The following MAML1 variants were observed in gnomAD, a reference collection of about 807,000 sequenced individuals.
MAML1 encodes the protein mastermind-like protein 1.
Under a neutral mutation model 77.1 loss-of-function variants are expected in MAML1, and 14 were observed. The observed-to-expected ratio is 0.18, with a 90% CI of 0.12 to 0.28. MAML1 has a LOEUF of 0.28. Among genes scored for constraint, MAML1 ranks in the 10% least tolerant of loss-of-function variants. MAML1 has a pLI of 1.00. For missense variants in MAML1, 1,217 were observed against 1,327.8 expected, an observed-to-expected ratio of 0.92 and a Z score of 1.30; for synonymous variants, 516 against 551.9, an observed-to-expected ratio of 0.93 and a Z score of 0.91.
chr5:179,765,960 T>C lies in MAML1; in HGVS notation c.950T>C (p.Val317Ala). The change falls in exon 2 of 5, where the codon GTG (valine) becomes GCG (alanine). Residue 317 changes from valine (V) to alanine (A), a missense_variant. By Grantham distance (64) the Val-to-Ala change is moderately conservative. Coordinates refer to ENST00000292599, the MANE Select transcript of MAML1 (RefSeq NM_014757.5). ...FEQEQLGSPQ[V>A]RAGSAGQTFL... Reference sequence around the variant, plus strand: ...CAAGAACAGTTAGGCTCTCCACAAGTGAGGGCCGGGTCTGCAGGGCAGACC... The same window carrying C: ...CAAGAACAGTTAGGCTCTCCACAAGCGAGGGCCGGGTCTGCAGGGCAGACC... 1 of 1,613,998 alleles carries C rather than the reference T, an allele frequency of 6.2e-7. No homozygotes were observed.
At chr5:179,772,638 A>G (rs1756027818) in intron 4 of MAML1, among the ~76,000 whole-genome samples, 1 of 152,216 alleles carries the variant, frequency 6.6e-6, no homozygotes, top group South Asian at 2.1e-4. Context: ...CACCTGCCAC[A>G]GAGTGGGTAC....
In MAML1 at chr5:179,775,538, G is replaced by A. The variant is rs1163264059; in HGVS notation, c.*661G>A. The A allele has an allele frequency of 2.0e-6, 2 of 985,372 alleles. No individual in the cohort carries two copies. Among genetic ancestry groups the A allele is most frequent in the Non-Finnish European group, 2.4e-6 (2 of 829,928 alleles). The allele number at this position is 985,372 out of a possible 1,614,324, so 61.0% of individuals were successfully genotyped here. ...CTGCGTATGCCAAAAAGGGACAGGA[G>A]GCATGGGATAGCAGGTCTGGTGACA... On this transcript the variant is annotated 3_prime_UTR_variant, in exon 5 of 5. Coordinates refer to ENST00000292599, the MANE Select transcript of MAML1 (RefSeq NM_014757.5).
In MAML1 at chr5:179,748,954, T is replaced by TG. The variant is rs1263008085; in HGVS notation, c.315+15527_315+15528insG. Among the ~76,000 whole-genome samples, 101 of 113,854 alleles carry TG rather than the reference T, an allele frequency of 8.9e-4. 1 individual carries two copies. The highest frequency in any genetic ancestry group is 2.6e-3 in the African/African-American group (97 of 36,942). The allele number at this position is 113,854 out of a possible 152,430, so 74.7% of individuals were successfully genotyped here. On this transcript the variant is annotated intron_variant, in intron 1 of 4. Transcript: ENST00000292599. Reference sequence around the variant, plus strand: ...AAGTGAGAAAAAGGTGTTTTTGTTTTTTTTTTTTTTGTTTTTTGTTTGTTT... The same window carrying TG: ...AAGTGAGAAAAAGGTGTTTTTGTTTTGTTTTTTTTTTGTTTTTTGTTTGTTT...
At position 179,773,956 on chromosome 5, in the gene MAML1, A is replaced by G. The variant is rs1562579199; in HGVS notation, c.2130A>G (p.Arg710=). 1 of 1,614,206 alleles carries G rather than the reference A, an allele frequency of 6.2e-7. No homozygotes were observed. The change falls in exon 5 of 5, where the codon CGA becomes CGG. Residue 710 remains arginine (R), a synonymous_variant. Coordinates refer to ENST00000292599, the MANE Select transcript of MAML1 (RefSeq NM_014757.5). ...GTCCATCCAACTCCAGCTGTCCTCG[A>G]GTGTTCCCTCAGGCTGGGAATCTGA... is the stretch of plus-strand genomic sequence containing the variant. ...TLGPSNSSCP[R]VFPQAGNLMP... is the part of the protein sequence containing the mutation.
chr5:179,738,453 A>C (rs1779216606), intron 1 of MAML1, among the ~76,000 whole-genome samples: 1 of 152,212 alleles, frequency 6.6e-6, no homozygotes, highest in African/African-American at 2.4e-5. Context: ...TTTTAAAAAG[A>C]TGATCAGTGT....
Position 179,774,421 on chromosome 5 carries a change from T to C in MAML1, c.2595T>C (p.Ser865=), listed in dbSNP as rs144842196. 8.1e-6 allele frequency: 13 copies of C among 1,613,150 alleles called. No homozygotes were observed. In the East Asian group the frequency reaches 1.1e-4, roughly 14 times the overall value. The change falls in exon 5 of 5, where the codon AGT becomes AGC. Residue 865 remains serine, a synonymous_variant. Transcript: ENST00000292599. ...SNVSPFTAAS[S]FHMQQQAHLK... is the part of the protein sequence containing the mutation. ...TGAGTCCCTTCACTGCAGCCTCCAG[T>C]TTCCACATGCAGCAGCAGGCCCACC...
In MAML1 at chr5:179,774,361, G is replaced by A. The variant is rs780202266; in HGVS notation, c.2535G>A (p.Pro845=). The change falls in exon 5 of 5, where the codon CCG becomes CCA. Residue 845 remains proline, a synonymous_variant. Transcript: ENST00000292599. ...QNSSWQHQGM[P]NLSGQTPGNS... is the part of the protein sequence containing the mutation. The stretch of plus-strand genomic sequence containing the variant: ...CCTCCTGGCAGCATCAGGGAATGCC[G>A]AACCTCAGTGGCCAGACCCCAGGGA... The A allele has an allele frequency of 1.1e-5, 17 of 1,613,250 alleles. No individual in the cohort carries two copies. The highest frequency in any genetic ancestry group is 1.4e-5 in the Non-Finnish European group (16 of 1,180,024).
Position 179,766,764 on chromosome 5 carries a change from T to A in MAML1, c.1731+23T>A, listed in dbSNP as rs377518731. ...CAGGTAAGTATGAGCCTTTGCTTTCTGTTCCTCTGCTGCAGACACTTCAGT... is the reference window on the plus strand; with the variant it reads ...CAGGTAAGTATGAGCCTTTGCTTTCAGTTCCTCTGCTGCAGACACTTCAGT... On this transcript the variant is annotated intron_variant, in intron 2 of 4. Coordinates refer to ENST00000292599, the MANE Select transcript of MAML1 (RefSeq NM_014757.5). This position sits in a 1 kb window ranked among gnomAD's most constrained non-coding sequence, Gnocchi z 4.0. The A allele has an allele frequency of 1.3e-6, 2 of 1,506,826 alleles. No homozygotes were observed. The highest frequency in any genetic ancestry group is 1.8e-6 in the Non-Finnish European group (2 of 1,124,560). 93.3% of individuals were successfully genotyped at this position (1,506,826 alleles called of 1,614,324 possible).
At chr5:179,750,092 A>G (rs1328238049) in intron 1 of MAML1, among the ~76,000 whole-genome samples, 1 of 152,236 alleles carries the variant, frequency 6.6e-6, no homozygotes, top group South Asian at 2.1e-4. Flanking sequence ...CTCTCCTTGC[A>G]CTGCCAGTGT....
At position 179,765,439 on chromosome 5, in the gene MAML1, G is replaced by A; in HGVS notation, c.429G>A (p.Glu143=). The A allele has an allele frequency of 6.2e-7, 1 of 1,614,238 alleles. No homozygotes were observed. The highest frequency in any genetic ancestry group is 8.5e-7 in the Non-Finnish European group (1 of 1,180,048). The part of the protein sequence containing the change: ...LFPGHKKTRR[E]APLGVAISSN... Reference sequence around the variant, plus strand: ...CTGGGCATAAGAAGACTCGCCGGGAGGCCCCTCTGGGAGTTGCCATCTCTT... The same window carrying A: ...CTGGGCATAAGAAGACTCGCCGGGAAGCCCCTCTGGGAGTTGCCATCTCTT... Residue 143 remains glutamate, a synonymous_variant, in exon 2 of 5, where the codon GAG becomes GAA. Coordinates refer to ENST00000292599, the MANE Select transcript of MAML1 (RefSeq NM_014757.5).
chr5:179,750,492 C>A (rs765650031), intron 1 of MAML1, among the ~76,000 whole-genome samples: 6 of 152,018 alleles, frequency 3.9e-5, no homozygotes, highest in Non-Finnish European at 7.4e-5. Context: ...AAGACAGGGT[C>A]TCTTGACTCC....
In MAML1 at chr5:179,765,715, A is replaced by G. The variant is rs1428802038; in HGVS notation, c.705A>G (p.Ile235Met). ...TGATCACTGGGACTGTCGGCTCCAT[A>G]TCGCAAAGCAACCTCATGCCAGACC... ...PCMITGTVGS[I>M]SQSNLMPDLN... The change falls in exon 2 of 5, where the codon ATA (isoleucine) becomes ATG (methionine). Residue 235 changes from isoleucine to methionine, a missense_variant. By Grantham distance (10) the Ile-to-Met change is conservative. This residue lies in a region of MAML1 where 21 missense variants were observed against 47.1 expected (regional missense o/e 0.45). Coordinates refer to ENST00000292599, the MANE Select transcript of MAML1 (RefSeq NM_014757.5). 5.0e-6 allele frequency: 8 copies of G among 1,613,936 alleles called. No homozygotes were observed. The East Asian group carries it at 1.6e-4, about 31-fold the overall frequency.
chr5:179,756,225 A>G (rs1186445791), intron 1 of MAML1, among the ~76,000 whole-genome samples: 3 of 150,992 alleles, frequency 2.0e-5, no homozygotes, highest in Non-Finnish European at 4.4e-5. Flanking sequence ...GGAGATGGAG[A>G]CCATCCTGGC....
At chr5:179,733,666 G>C (rs1037495116) in intron 1 of MAML1, among the ~76,000 whole-genome samples, 1 of 152,256 alleles carries the variant, frequency 6.6e-6, no homozygotes, top group Non-Finnish European at 1.5e-5. Context: ...GACCTGGGAA[G>C]GCTGGCGAAC....
chr5:179,757,047 T>G (rs1192341638), intron 1 of MAML1, among the ~76,000 whole-genome samples: 2 of 152,086 alleles, frequency 1.3e-5, no homozygotes, highest in Non-Finnish European at 2.9e-5. Flanking sequence ...CTTGAACTCC[T>G]GAGCTCAAGG....
intron 1 of MAML1, among the ~76,000 whole-genome samples, chr5:179,751,888 C>T (rs1477168500): frequency 6.6e-6 from 1 of 151,928 alleles, no homozygotes; most frequent in Non-Finnish European, 1.5e-5. Flanking sequence ...CCTGTAGTTC[C>T]AGCTACTAGG....
chr5:179,763,304 C>T (rs1467880764), intron 1 of MAML1, among the ~76,000 whole-genome samples: 1 of 152,158 alleles, frequency 6.6e-6, no homozygotes, highest in Non-Finnish European at 1.5e-5. Flanking sequence ...ATTTTATGTG[C>T]GTGGTTCCCT....
In MAML1 at chr5:179,738,365, TAAC is replaced by T. The variant is rs543957234; in HGVS notation, c.315+4941_315+4943del. Among the ~76,000 whole-genome samples, 20 of 152,300 alleles carry T rather than the reference TAAC, an allele frequency of 1.3e-4. No homozygotes were observed. The East Asian group carries it at 3.7e-3, about 28-fold the overall frequency. On this transcript the variant is annotated intron_variant, in intron 1 of 4. Coordinates refer to ENST00000292599, the MANE Select transcript of MAML1 (RefSeq NM_014757.5). ...CCAAACTCTTGTAAGAATTATGAAA[TAAC>T]AAATTATTTCCAGGAAGTAGATATT...
At chr5:179,755,790 A>C (rs1779600938) in intron 1 of MAML1, among the ~76,000 whole-genome samples, 1 of 148,656 alleles carries the variant, frequency 6.7e-6, no homozygotes, top group South Asian at 2.1e-4. Context: ...TTTAAGACAG[A>C]GTCTCATTCT....
Sources: allele counts gnomAD v4.1 joint callset (sites outside exome capture counted in the v4.1 genomes callset), GRCh38; gene constraint gnomAD v4.1.1; regional missense constraint gnomAD v4.1.1; non-coding constraint Gnocchi (gnomAD v3.1); transcripts MANE v1.5; gene names NCBI Gene and HGNC (gene_info 2026-07-23, HGNC 2026-07-21).